Variants in RAD18 observed in about 807,000 individuals in gnomAD.
RAD18 encodes RAD18 E3 ubiquitin protein ligase, also known as E3 ubiquitin-protein ligase RAD18.
A neutral mutation model predicts 60.4 loss-of-function variants in RAD18; 47 were observed. The observed-to-expected ratio is 0.78, with a 90% confidence interval of 0.62 to 0.99. The LOEUF is 0.99. Ranked by LOEUF, RAD18 falls within the 50% of genes least tolerant of loss-of-function variation. The pLI is 0.00. For missense variants in RAD18, 640 were observed against 593.3 expected, an observed-to-expected ratio of 1.08 and a Z score of -0.82; for synonymous variants, 225 against 195.5, an observed-to-expected ratio of 1.15 and a Z score of -1.26.
At chr3:8,891,225 G>A (rs949712434) in intron 11 of RAD18, among the ~76,000 whole-genome samples, 6 of 152,074 alleles carry the variant, frequency 3.9e-5, no homozygotes, top group South Asian at 2.1e-4. Context: ...TGGGAGCTGC[G>A]GAGGATCACG....
intron 2 of RAD18, among the ~76,000 whole-genome samples, chr3:8,952,822 T>C (rs967077057): frequency 2.0e-5 from 3 of 152,164 alleles, no homozygotes; most frequent in Admixed American, 6.6e-5. Flanking sequence ...ATGGAACTAA[T>C]ATGTGGCAAA....
At chr3:8,940,241 C>A (rs1940724712) in intron 5 of RAD18, among the ~76,000 whole-genome samples, 2 of 152,014 alleles carry the variant, frequency 1.3e-5, no homozygotes, top group African/African-American at 4.8e-5. Context: ...TCGGGGCCTA[C>A]AGACCACCAT....
intron 1 of RAD18, among the ~76,000 whole-genome samples, chr3:8,962,568 A>T (rs938054956): frequency 2.6e-5 from 4 of 152,244 alleles, no homozygotes; most frequent in African/African-American, 9.6e-5. Context: ...TGAGAAACGG[A>T]AATAATCACA....
intron 5 of RAD18, among the ~76,000 whole-genome samples, chr3:8,941,174 C>A (rs1229039622): frequency 6.6e-6 from 1 of 152,144 alleles, no homozygotes; most frequent in Non-Finnish European, 1.5e-5. Flanking sequence ...TAAATGGGAA[C>A]TGATATGTTG....
At chr3:8,901,775 A>G (rs1939917295) in intron 10 of RAD18, among the ~76,000 whole-genome samples, 1 of 152,250 alleles carries the variant, frequency 6.6e-6, no homozygotes, top group Non-Finnish European at 1.5e-5. Flanking sequence ...TGACTTGTAC[A>G]TTTATGAAGG....
At chr3:8,927,951 C>A (rs996916937) in intron 7 of RAD18, among the ~76,000 whole-genome samples, 7 of 150,532 alleles carry the variant, frequency 4.7e-5, no homozygotes, top group African/African-American at 1.7e-4. Flanking sequence ...AGGAGATATA[C>A]CTAATGTAAA....
At chr3:8,953,408 A>G (rs1940958091) in intron 2 of RAD18, among the ~76,000 whole-genome samples, 1 of 152,142 alleles carries the variant, frequency 6.6e-6, no homozygotes, top group South Asian at 2.1e-4. Flanking sequence ...GGAGAACCAG[A>G]TATGGAGTCC....
chr3:8,932,136 T>C (rs1940571748), intron 7 of RAD18, among the ~76,000 whole-genome samples: 1 of 152,064 alleles, frequency 6.6e-6, no homozygotes, highest in African/African-American at 2.4e-5. Flanking sequence ...ACATAAAAAA[T>C]CATGAAATGA....
At chr3:8,889,122 C>G (rs1348061157) in intron 12 of RAD18, among the ~76,000 whole-genome samples, 1 of 152,202 alleles carries the variant, frequency 6.6e-6, no homozygotes, top group East Asian at 1.9e-4. Context: ...CCTGGATACA[C>G]CATACTTTTC....
intron 9 of RAD18, among the ~76,000 whole-genome samples, chr3:8,908,273 AT>A (rs34306178): frequency 0.12 from 16,385 of 138,938 alleles, 1,000 homozygotes; most frequent in East Asian, 0.24. Context: ...CACTTTAAGC[AT>A]TTTTTTTTTT....
chr3:8,963,324 G>T lies in RAD18; in HGVS notation c.51+11C>A. On this transcript the variant is annotated intron_variant, in intron 1 of 12. Coordinates refer to ENST00000264926, the MANE Select transcript of RAD18 (RefSeq NM_020165.4). ...ACACCCGGGAGCTCCCAAACTCCCC[G>T]AAGCACTCACCTTCATGACTGCCAG... 2 of 1,608,704 alleles carry T rather than the reference G, an allele frequency of 1.2e-6. No individual in the cohort carries two copies. Among genetic ancestry groups the T allele is most frequent in the Non-Finnish European group, 1.7e-6 (2 of 1,177,528 alleles).
chr3:8,912,533 C>T (rs992162304), intron 8 of RAD18, 161 bp from the exon 9 acceptor site: 27 of 432,568 alleles, frequency 6.2e-5, no homozygotes, highest in African/African-American at 4.7e-4. Context: ...TATGTACTTC[C>T]CTTAAATACC....
At chr3:8,903,295 T>C (rs541633210) in intron 9 of RAD18, among the ~76,000 whole-genome samples, 2 of 152,334 alleles carry the variant, frequency 1.3e-5, no homozygotes, top group Admixed American at 1.3e-4. Flanking sequence ...ATGCCCGCTT[T>C]CTTAAATATA....
At chr3:8,901,463 T>A (rs1027167076) in intron 10 of RAD18, among the ~76,000 whole-genome samples, 13 of 152,142 alleles carry the variant, frequency 8.5e-5, no homozygotes. Flanking sequence ...TAATCAAAAA[T>A]TTTAAAATAT....
intron 1 of RAD18, among the ~76,000 whole-genome samples, chr3:8,960,283 C>T (rs549749330): frequency 2.0e-5 from 3 of 151,690 alleles, no homozygotes; most frequent in South Asian, 2.1e-4. Flanking sequence ...CCAGTCTGGG[C>T]GACAGTGAGA....
chr3:8,959,039 C>G, intron 1 of RAD18, 38 bp from the exon 2 acceptor site: 1 of 1,537,222 alleles, frequency 6.5e-7, no homozygotes, highest in Non-Finnish European at 9.0e-7. Context: ...ATCAGAAAGA[C>G]ATCAAAATTG....
At chr3:8,887,668 T>A (rs2125045923) in intron 12 of RAD18, among the ~76,000 whole-genome samples, 1 of 152,350 alleles carries the variant, frequency 6.6e-6, no homozygotes, top group Non-Finnish European at 1.5e-5. Flanking sequence ...AGAAAAGGCT[T>A]TTTGAATTGA....
In RAD18 at chr3:8,939,653, A is replaced by C; in HGVS notation, c.605T>G (p.Val202Gly). ...GTTAACCCCGCAAACAGGACAATCC[A>C]CTGTATTTTTTAAAAAGAAAAAGAG... ...STSTLKQVTK[V>G]DCPVCGVNIP... is the part of the protein sequence containing the mutation. The change falls in exon 6 of 13, where the codon GTG (valine) becomes GGG (glycine). Residue 202 changes from valine to glycine, a missense_variant and splice_region_variant. By Grantham distance (109) the Val-to-Gly change is moderately radical. Coordinates refer to ENST00000264926, the MANE Select transcript of RAD18 (RefSeq NM_020165.4). 6.2e-7 allele frequency: 1 copy of C among 1,605,218 alleles called. No homozygotes were observed. The highest frequency in any genetic ancestry group is 8.5e-7 in the Non-Finnish European group (1 of 1,174,860).
At chr3:8,948,830 T>A (rs568371435) in intron 2 of RAD18, among the ~76,000 whole-genome samples, 1 of 152,284 alleles carries the variant, frequency 6.6e-6, no homozygotes, top group East Asian at 1.9e-4. Flanking sequence ...GTGTCCTCCA[T>A]CTGCAAAACA....
Sources: gnomAD v4.1 joint callset for allele counts (sites outside exome capture counted in the v4.1 genomes callset) on GRCh38, gnomAD v4.1.1 for gene constraint, MANE v1.5 for transcripts, NCBI Gene and HGNC (gene_info 2026-07-23, HGNC 2026-07-21) for gene names.